Variants in ZNF722 observed in about 807,000 individuals in gnomAD.
The protein encoded by ZNF722 is zinc finger protein 722.
the ZNF722 span, among the ~76,000 whole-genome samples, chr7:64,008,611 T>A: frequency 4.6e-5 from 7 of 152,204 alleles, no homozygotes; most frequent in Non-Finnish European, 8.8e-5. Flanking sequence ...ATATCTCTGT[T>A]TTGGTACCAG....
the ZNF722 span, among the ~76,000 whole-genome samples, chr7:64,004,284 G>A: frequency 1.3e-5 from 2 of 149,496 alleles, no homozygotes; most frequent in South Asian, 2.1e-4. Context: ...GTGCACACAC[G>A]TGTAATCCCA....
At chr7:64,013,988 A>G in the ZNF722 span, among the ~76,000 whole-genome samples, 1 of 151,784 alleles carries the variant, frequency 6.6e-6, no homozygotes, top group Non-Finnish European at 1.5e-5. Flanking sequence ...TCTGTTGACA[A>G]ATTCACTGGT....
the ZNF722 span, chr7:64,015,289 A>G: frequency 2.4e-6 from 3 of 1,250,960 alleles, no homozygotes; most frequent in African/African-American, 1.5e-5. Flanking sequence ...TGCAATAGAC[A>G]TGAAACAAGA....
chr7:63,999,787 T>A, the ZNF722 span, among the ~76,000 whole-genome samples: 1 of 151,930 alleles, frequency 6.6e-6, no homozygotes, highest in Non-Finnish European at 1.5e-5. Flanking sequence ...AACCTCCCCC[T>A]CTCGGGTTCA....
At chr7:64,008,069 T>C in the ZNF722 span, among the ~76,000 whole-genome samples, 1 of 152,216 alleles carries the variant, frequency 6.6e-6, no homozygotes, top group African/African-American at 2.4e-5. Flanking sequence ...TCATATCCTT[T>C]GCCCAGTTTT....
the ZNF722 span, chr7:64,006,332 G>T: frequency 2.3e-6 from 3 of 1,277,956 alleles, no homozygotes; most frequent in Non-Finnish European, 2.2e-6. Flanking sequence ...AGGTGAGAGC[G>T]AATGAAGCAG....
the ZNF722 span, chr7:64,015,250 G>T: frequency 8.3e-7 from 1 of 1,200,084 alleles, no homozygotes; most frequent in Non-Finnish European, 1.2e-6. Flanking sequence ...ACTCATAAGT[G>T]TGTCATAGTC....
chr7:64,007,124 G>A, the ZNF722 span, among the ~76,000 whole-genome samples: 1 of 151,150 alleles, frequency 6.6e-6, no homozygotes, highest in Non-Finnish European at 1.5e-5. Flanking sequence ...TCTAACTGAT[G>A]TAAGGTAATT....
At chr7:64,015,353 G>A in the ZNF722 span, 1 of 1,442,520 alleles carries the variant, frequency 6.9e-7, no homozygotes, top group Non-Finnish European at 9.7e-7. Context: ...CGTTTTGCAT[G>A]CCTTCACACC....
the ZNF722 span, among the ~76,000 whole-genome samples, chr7:64,011,407 T>C: frequency 6.6e-6 from 1 of 152,242 alleles, no homozygotes; most frequent in African/African-American, 2.4e-5. Context: ...TTTCCATGTT[T>C]AGTGCTTCCT....
the ZNF722 span, chr7:64,015,703 A>G: frequency 1.5e-3 from 2,471 of 1,610,002 alleles, 3 homozygotes; most frequent in Non-Finnish European, 1.9e-3. Context: ...TCAACCCTCA[A>G]TGACCACAAG....
the ZNF722 span, among the ~76,000 whole-genome samples, chr7:64,018,017 G>A: frequency 1.3e-5 from 2 of 152,122 alleles, no homozygotes; most frequent in East Asian, 3.8e-4. Context: ...GTACCTTTAT[G>A]TAATAAAATG....
the ZNF722 span, chr7:64,015,917 A>G: frequency 6.7e-7 from 1 of 1,492,394 alleles, no homozygotes. Flanking sequence ...ACAAAAGTAA[A>G]TAATGTGGCA....
At chr7:64,006,252 T>C in the ZNF722 span, 4 of 1,291,592 alleles carry the variant, frequency 3.1e-6, no homozygotes, top group Non-Finnish European at 3.2e-6. Flanking sequence ...CAGACTTGAT[T>C]ACCTGTCTGG....
the ZNF722 span, among the ~76,000 whole-genome samples, chr7:64,000,517 A>C: frequency 1.9e-5 from 2 of 104,376 alleles, no homozygotes; most frequent in African/African-American, 3.8e-5. Flanking sequence ...GTGGTGCGAT[A>C]TTAGCTCACT....
chr7:64,012,571 G>A, the ZNF722 span, among the ~76,000 whole-genome samples: 6 of 152,076 alleles, frequency 3.9e-5, no homozygotes, highest in African/African-American at 1.2e-4. Context: ...CCTTGGCCTC[G>A]CAAAGTGCTG....
At chr7:64,014,631 C>T in the ZNF722 span, among the ~76,000 whole-genome samples, 1 of 152,122 alleles carries the variant, frequency 6.6e-6, no homozygotes, top group East Asian at 1.9e-4. Context: ...CTACTTTCTA[C>T]ACCTATTTTC....
the ZNF722 span, among the ~76,000 whole-genome samples, chr7:64,004,425 A>AAAAAAAAAAAAAAAAAAATATATAT: frequency 1.6e-5 from 1 of 61,112 alleles, no homozygotes; most frequent in Non-Finnish European, 2.7e-5. Context: ...AAAAAAAAAA[A>AAAAAAAAAAAAAAAAAAATATATAT]ATATATATAT....
chr7:64,012,852 T>C, the ZNF722 span, among the ~76,000 whole-genome samples: 1 of 152,172 alleles, frequency 6.6e-6, no homozygotes, highest in Admixed American at 6.6e-5. Flanking sequence ...TATGGATGAC[T>C]TGGCACAATC....
Sources: allele counts gnomAD v4.1 joint callset (sites outside exome capture counted in the v4.1 genomes callset), GRCh38; gene constraint gnomAD v4.1.1; transcripts MANE v1.5; gene names NCBI Gene and HGNC (gene_info 2026-07-23, HGNC 2026-07-21).